Variants in LINGO2 observed in about 807,000 individuals in gnomAD.
LINGO2 encodes the protein leucine-rich repeat and immunoglobulin-like domain-containing nogo receptor-interacting protein 2.
In LINGO2, 14 loss-of-function variants were observed where a neutral mutation model predicts 30.6. The ratio of observed to expected loss-of-function variants is 0.46; its 90% CI spans 0.30 to 0.72. The LOEUF is 0.72. Among genes scored for constraint, LINGO2 ranks in the 30% least tolerant of loss-of-function variants. The pLI is 0.07. For synonymous variants in LINGO2, 317 were observed against 288.5 expected (o/e 1.10, Z -1.00); for missense variants, 729 against 751.7 (o/e 0.97, Z 0.35).
chr9:28,898,945 T>G, the LINGO2 span, among the ~76,000 whole-genome samples: 271 of 152,254 alleles, frequency 1.8e-3, 1 homozygote, highest in Middle Eastern at 3.4e-3. Context: ...AAAAAATCCC[T>G]ACACTTAAAT....
At chr9:27,998,228 G>A (rs181673027) in intron 5 of LINGO2, among the ~76,000 whole-genome samples, 1 of 152,240 alleles carries the variant, frequency 6.6e-6, no homozygotes. Context: ...GTGACTCTGA[G>A]GCTAGGTCAT....
At chr9:28,646,298 C>T (rs1051244080) in intron 1 of LINGO2, among the ~76,000 whole-genome samples, 2 of 152,064 alleles carry the variant, frequency 1.3e-5, no homozygotes, top group African/African-American at 2.4e-5. Context: ...TGGCTGGAAT[C>T]TCATTTGAAG....
intron 4 of LINGO2, among the ~76,000 whole-genome samples, chr9:28,021,343 A>T (rs1344960156): frequency 6.6e-6 from 1 of 152,084 alleles, no homozygotes; most frequent in Non-Finnish European, 1.5e-5. Flanking sequence ...TTCTACTTTA[A>T]TCCCATTGTA....
the LINGO2 span, among the ~76,000 whole-genome samples, chr9:28,824,907 C>A: frequency 1.3e-5 from 2 of 152,112 alleles, no homozygotes; most frequent in Admixed American, 1.3e-4. Context: ...ACTTGATCTC[C>A]TCTTCTTTTC....
chr9:28,310,440 T>G (rs907733654), intron 3 of LINGO2, among the ~76,000 whole-genome samples: 5 of 152,190 alleles, frequency 3.3e-5, no homozygotes, highest in African/African-American at 1.2e-4. Context: ...CAGATTCTTC[T>G]GCAGCCCTCC....
chr9:28,635,821 T>G (rs567086628), intron 1 of LINGO2, among the ~76,000 whole-genome samples: 1 of 152,094 alleles, frequency 6.6e-6, no homozygotes, highest in Non-Finnish European at 1.5e-5. Context: ...TTTTTGTTTG[T>G]CTGTTTGTTT....
chr9:28,940,822 C>G, the LINGO2 span, among the ~76,000 whole-genome samples: 5 of 152,082 alleles, frequency 3.3e-5, 1 homozygote, highest in African/African-American at 1.2e-4. Context: ...GTTTGCAAAA[C>G]TTACTTTGAA....
At chr9:29,076,054 G>A in the LINGO2 span, among the ~76,000 whole-genome samples, 39 of 150,854 alleles carry the variant, frequency 2.6e-4, no homozygotes, top group African/African-American at 8.5e-4. Flanking sequence ...AATTTTCGTT[G>A]TTTTTGTAGA....
At chr9:29,060,891 T>A in the LINGO2 span, among the ~76,000 whole-genome samples, 1 of 151,684 alleles carries the variant, frequency 6.6e-6, no homozygotes, top group Non-Finnish European at 1.5e-5. Context: ...CAGAAACCCA[T>A]CAGTAAGATC....
chr9:28,109,881 G>GA lies in LINGO2; in HGVS notation c.-86-97477dup, dbSNP rs144332231. On this transcript the variant is annotated intron_variant, in intron 4 of 5. Transcript: ENST00000379992. ...ACTGTTGACTTTATTCACAGCATTA[G>GA]AAAAAAAAACTACTTTAAATTTCAT... Among the ~76,000 whole-genome samples, 160 of 150,940 alleles carry GA rather than the reference G, an allele frequency of 1.1e-3. 1 individual carries two copies. Among genetic ancestry groups the GA allele is most frequent in the African/African-American group, 3.4e-3 (139 of 41,198 alleles).
chr9:29,098,698 A>C, the LINGO2 span, among the ~76,000 whole-genome samples: 1 of 152,138 alleles, frequency 6.6e-6, no homozygotes, highest in African/African-American at 2.4e-5. Flanking sequence ...ATAATTCATG[A>C]TACTGCTGAT....
At chr9:28,591,885 G>A (rs551836402) in intron 1 of LINGO2, among the ~76,000 whole-genome samples, 1 of 152,174 alleles carries the variant, frequency 6.6e-6, no homozygotes, top group South Asian at 2.1e-4. Flanking sequence ...CAAAGGCTGT[G>A]GAGACAACTG....
At chr9:28,501,401 G>A (rs960337220) in intron 1 of LINGO2, among the ~76,000 whole-genome samples, 4 of 152,130 alleles carry the variant, frequency 2.6e-5, no homozygotes, top group African/African-American at 9.7e-5. Context: ...TAAATACGAT[G>A]AAGAAATTTA....
At chr9:28,237,741 G>A (rs1821628726) in intron 4 of LINGO2, among the ~76,000 whole-genome samples, 1 of 152,018 alleles carries the variant, frequency 6.6e-6, no homozygotes, top group Non-Finnish European at 1.5e-5. Context: ...TGTAATCCCA[G>A]CTACTCGGGA....
chr9:28,532,451 C>A (rs1821269556), intron 1 of LINGO2, among the ~76,000 whole-genome samples: 1 of 149,976 alleles, frequency 6.7e-6, no homozygotes, highest in African/African-American at 2.4e-5. Flanking sequence ...TTTTTTTTTT[C>A]CAGAAAAAGA....
the LINGO2 span, among the ~76,000 whole-genome samples, chr9:29,052,159 G>A: frequency 3.9e-5 from 6 of 151,994 alleles, no homozygotes; most frequent in Admixed American, 3.3e-4. Flanking sequence ...CCTCAACTAC[G>A]GAAAATTAAT....
the LINGO2 span, among the ~76,000 whole-genome samples, chr9:28,970,700 A>G: frequency 6.6e-6 from 1 of 152,148 alleles, no homozygotes; most frequent in East Asian, 1.9e-4. Context: ...CCCTAGCCAA[A>G]AGGGAATTGC....
exon 6 of LINGO2, chr9:27,949,562 C>T: frequency 6.2e-7 from 1 of 1,614,072 alleles, no homozygotes; most frequent in Non-Finnish European, 8.5e-7. Context: ...GCAGGGTGGG[C>T]TGTCGCTGCA....
At chr9:28,064,092 G>T (rs1429700908) in intron 4 of LINGO2, among the ~76,000 whole-genome samples, 8 of 152,106 alleles carry the variant, frequency 5.3e-5, no homozygotes, top group African/African-American at 1.9e-4. Context: ...AGTAGGGGGA[G>T]AAAAAACAAG....
Sources: allele counts gnomAD v4.1 joint callset (sites outside exome capture counted in the v4.1 genomes callset), GRCh38; gene constraint gnomAD v4.1.1; transcripts MANE v1.5; gene names NCBI Gene and HGNC (gene_info 2026-07-23, HGNC 2026-07-21).